Variants in KCNQ5 observed in about 807,000 individuals in gnomAD.
KCNQ5 encodes the protein potassium voltage-gated channel subfamily Q member 5, also known as potassium voltage-gated channel subfamily KQT member 5.
Under a neutral mutation model 98.2 loss-of-function variants are expected in KCNQ5, and 30 were observed. That is an observed-to-expected ratio of 0.31 (90% CI 0.23 to 0.41). The LOEUF is 0.41. KCNQ5 is among the 10% of genes least tolerant of loss of function. KCNQ5 has a pLI of 1.00. For synonymous variants in KCNQ5, 458 were observed against 449.4 expected (o/e 1.02, Z -0.24); for missense variants, 835 against 1,182.5 (o/e 0.71, Z 4.31).
intron 3 of KCNQ5, among the ~76,000 whole-genome samples, chr6:73,060,792 A>G (rs964179250): frequency 2.0e-5 from 3 of 152,200 alleles, no homozygotes; most frequent in Non-Finnish European, 4.4e-5. Flanking sequence ...AGTCTCACTC[A>G]TAAAAAAGAA....
intron 1 of KCNQ5, among the ~76,000 whole-genome samples, chr6:72,950,254 C>A (rs1048488966): frequency 6.6e-6 from 1 of 152,170 alleles, no homozygotes; most frequent in Admixed American, 6.5e-5. Context: ...AGTATCATTT[C>A]TTCATGACAT....
chr6:72,642,590 T>C (rs1157887095), intron 1 of KCNQ5, among the ~76,000 whole-genome samples: 6 of 152,126 alleles, frequency 3.9e-5, no homozygotes, highest in Non-Finnish European at 8.8e-5. Context: ...ATGGCTATTG[T>C]TAAAATGTCT....
chr6:72,715,884 TTTG>T (rs1478884789), intron 1 of KCNQ5, among the ~76,000 whole-genome samples: 1 of 152,174 alleles, frequency 6.6e-6, no homozygotes, highest in Non-Finnish European at 1.5e-5. Flanking sequence ...ATAATTTTCC[TTTG>T]TTATGTATAT....
At chr6:73,108,119 C>T (rs1242696822) in intron 6 of KCNQ5, among the ~76,000 whole-genome samples, 2 of 152,172 alleles carry the variant, frequency 1.3e-5, no homozygotes, top group East Asian at 1.9e-4. Context: ...CTCCATCTTA[C>T]CCTCAAAGCA....
chr6:72,697,900 C>T (rs1768583275), intron 1 of KCNQ5, among the ~76,000 whole-genome samples: 1 of 152,040 alleles, frequency 6.6e-6, no homozygotes, highest in Non-Finnish European at 1.5e-5. Flanking sequence ...TAAGGAAGTT[C>T]TTGGTTAAAC....
intron 1 of KCNQ5, among the ~76,000 whole-genome samples, chr6:72,701,258 C>G (rs1768789836): frequency 6.6e-6 from 1 of 152,174 alleles, no homozygotes; most frequent in South Asian, 2.1e-4. Flanking sequence ...AATTGTTTTA[C>G]TGTAGTTGTG....
intron 1 of KCNQ5, among the ~76,000 whole-genome samples, chr6:72,771,032 T>A (rs953916173): frequency 6.6e-6 from 1 of 152,128 alleles, no homozygotes; most frequent in Non-Finnish European, 1.5e-5. Context: ...AACCAAAGAA[T>A]GCCAGTAAAT....
At chr6:72,986,892 A>G in intron 1 of KCNQ5, 1 of 863,196 alleles carries the variant, frequency 1.2e-6, no homozygotes, top group Non-Finnish European at 1.9e-6. Flanking sequence ...GATGCTGCGG[A>G]CACTTGCTCA....
intron 1 of KCNQ5, among the ~76,000 whole-genome samples, chr6:72,769,914 A>G (rs2154477371): frequency 6.6e-6 from 1 of 152,214 alleles, no homozygotes; most frequent in East Asian, 1.9e-4. Flanking sequence ...CAGACTAAGA[A>G]CTATTTTTAG....
intron 1 of KCNQ5, among the ~76,000 whole-genome samples, chr6:72,644,082 TA>T (rs1442326748): frequency 7.2e-5 from 11 of 152,208 alleles, no homozygotes; most frequent in East Asian, 3.9e-4. Context: ...CTTTGTAAAT[TA>T]AAAAATACAC....
At chr6:72,623,015 G>A (rs1326919765) in intron 1 of KCNQ5, among the ~76,000 whole-genome samples, 1 of 152,124 alleles carries the variant, frequency 6.6e-6, no homozygotes, top group Non-Finnish European at 1.5e-5. Context: ...TGATGGCGGG[G>A]TAGGACGGGG....
chr6:72,653,655 A>T (rs1409080946), intron 1 of KCNQ5, among the ~76,000 whole-genome samples: 1 of 152,098 alleles, frequency 6.6e-6, no homozygotes, highest in Admixed American at 6.6e-5. Context: ...ATACTAATTC[A>T]TGTTGTTAAA....
chr6:73,006,773 G>T (rs1769833179), intron 2 of KCNQ5, among the ~76,000 whole-genome samples: 1 of 152,200 alleles, frequency 6.6e-6, no homozygotes, highest in South Asian at 2.1e-4. Flanking sequence ...TTAGAACTAT[G>T]TGTAAATCCT....
chr6:73,062,423 G>T (rs1295392969), intron 3 of KCNQ5, among the ~76,000 whole-genome samples: 4 of 152,138 alleles, frequency 2.6e-5, no homozygotes, highest in East Asian at 1.9e-4. Flanking sequence ...GGTCCTAGAA[G>T]TTTCTGGCCA....
At chr6:72,744,959 T>C (rs1771309388) in intron 1 of KCNQ5, among the ~76,000 whole-genome samples, 1 of 152,140 alleles carries the variant, frequency 6.6e-6, no homozygotes, top group South Asian at 2.1e-4. Flanking sequence ...TGGATATGGA[T>C]TTATGGACAG....
chr6:72,648,444 A>G (rs1042680310), intron 1 of KCNQ5, among the ~76,000 whole-genome samples: 6 of 152,300 alleles, frequency 3.9e-5, no homozygotes, highest in East Asian at 1.9e-4. Flanking sequence ...ACATGAATCT[A>G]TATTGATATA....
intron 10 of KCNQ5, among the ~76,000 whole-genome samples, chr6:73,159,370 G>A (rs1319906301): frequency 1.3e-5 from 2 of 152,188 alleles, no homozygotes; most frequent in Non-Finnish European, 2.9e-5. Flanking sequence ...GGAGGAGAGA[G>A]AGGATCAGAA....
chr6:73,167,085 A>G (rs1283357108), intron 10 of KCNQ5, among the ~76,000 whole-genome samples: 1 of 152,236 alleles, frequency 6.6e-6, no homozygotes, highest in Non-Finnish European at 1.5e-5. Flanking sequence ...ACCATGAACA[A>G]TTCCTGGAAA....
intron 3 of KCNQ5, among the ~76,000 whole-genome samples, chr6:73,044,881 C>T (rs1377405304): frequency 6.6e-6 from 1 of 152,192 alleles, no homozygotes; most frequent in Admixed American, 6.5e-5. Flanking sequence ...ATTCCAAGTA[C>T]ACACCCAAAT....
Sources: gnomAD v4.1 joint callset for allele counts (sites outside exome capture counted in the v4.1 genomes callset) on GRCh38, gnomAD v4.1.1 for gene constraint, MANE v1.5 for transcripts, NCBI Gene and HGNC (gene_info 2026-07-23, HGNC 2026-07-21) for gene names.